CTNNA3: variants seen among roughly 807,000 people sequenced by gnomAD.
CTNNA3 encodes the protein catenin alpha 3, also known as catenin alpha-3.
A neutral mutation model predicts 95.7 loss-of-function variants in CTNNA3; 76 were observed. That is an observed-to-expected ratio of 0.79 (90% confidence interval 0.66 to 0.96). The LOEUF (loss-of-function observed/expected upper bound fraction) is 0.96. Ranked by LOEUF, CTNNA3 falls within the 40% of genes least tolerant of loss-of-function variation. CTNNA3 has a pLI of 0.00. For missense variants in CTNNA3, 1,191 were observed against 1,089.8 expected (o/e 1.09, Z -1.31); for synonymous variants, 431 against 374.4 (o/e 1.15, Z -1.74).
chr10:67,580,147 G>C (rs1404730127), intron 3 of CTNNA3, among the ~76,000 whole-genome samples: 1 of 152,132 alleles, frequency 6.6e-6, no homozygotes, highest in Non-Finnish European at 1.5e-5. Flanking sequence ...TGTCCTGAAT[G>C]GTACTGCCTA....
chr10:66,833,672 A>G (rs1385758821), intron 7 of CTNNA3, among the ~76,000 whole-genome samples: 1 of 152,152 alleles, frequency 6.6e-6, no homozygotes, highest in Non-Finnish European at 1.5e-5. Flanking sequence ...TTTCATCTGG[A>G]TAGTGTAGGT....
rs545517810 is a variant in CTNNA3, at chr10:66,697,671, A to G, written c.1281+68593T>C. Among the ~76,000 whole-genome samples the G allele has an allele frequency of 3.9e-5, 6 of 152,278 alleles. No homozygotes were observed. The South Asian group carries it at 1.2e-3, about 32-fold the overall frequency. ...TCAATGTGCTCGTCTATGAATTTCA[A>G]AATGGGTATAAATTAAAACTTATTA... On this transcript the variant is annotated intron_variant, in intron 9 of 17. Coordinates refer to ENST00000433211, the MANE Select transcript of CTNNA3 (RefSeq NM_013266.4).
At position 65,987,503 on chromosome 10, in the gene CTNNA3, C is replaced by T. The variant is rs147943345; in HGVS notation, c.2265+1189G>A. 1.3e-4 allele frequency among the ~76,000 whole-genome samples: 19 copies of T among 151,946 alleles called. No homozygotes were observed. In the South Asian group the frequency reaches 1.7e-3, roughly 13 times the overall value. The stretch of plus-strand genomic sequence containing the variant: ...TATCATCTTACCCCAATTAAAATTG[C>T]TATAATTGAAAGAACAAAAAATAAA... On this transcript the variant is annotated intron_variant, in intron 16 of 17. Coordinates refer to ENST00000433211, the MANE Select transcript of CTNNA3 (RefSeq NM_013266.4).
chr10:67,531,063 C>T (rs889078242), intron 4 of CTNNA3, among the ~76,000 whole-genome samples: 14 of 152,174 alleles, frequency 9.2e-5, no homozygotes, highest in East Asian at 1.9e-4. Flanking sequence ...TTTATGGAAA[C>T]GCTTGTATGT....
At chr10:66,550,806 A>T in intron 10 of CTNNA3, among the ~76,000 whole-genome samples, 1 of 151,166 alleles carries the variant, frequency 6.6e-6, no homozygotes, top group Non-Finnish European at 1.5e-5. Context: ...TCTGCTTATA[A>T]ATCTCTGATT....
intron 13 of CTNNA3, among the ~76,000 whole-genome samples, chr10:66,138,253 C>T (rs1016591081): frequency 6.6e-6 from 1 of 152,076 alleles, no homozygotes; most frequent in African/African-American, 2.4e-5. Flanking sequence ...TATTGAGCAA[C>T]AGGTGTGGAT....
intron 7 of CTNNA3, among the ~76,000 whole-genome samples, chr10:67,079,839 C>A (rs1369253985): frequency 6.7e-6 from 1 of 150,002 alleles, no homozygotes; most frequent in African/African-American, 2.5e-5. Context: ...CACAGCGAGA[C>A]TCCATCTCAA....
intron 11 of CTNNA3, among the ~76,000 whole-genome samples, chr10:66,414,354 G>A (rs1283410335): frequency 6.6e-6 from 1 of 152,132 alleles, no homozygotes; most frequent in Non-Finnish European, 1.5e-5. Flanking sequence ...TCTAAAGTAA[G>A]GAATGGGAGA....
chr10:65,958,918 G>A (rs567843712), intron 17 of CTNNA3, among the ~76,000 whole-genome samples: 1 of 152,222 alleles, frequency 6.6e-6, no homozygotes, highest in Non-Finnish European at 1.5e-5. Flanking sequence ...TCTCTTGAAA[G>A]CTATCAGACA....
chr10:66,179,637 C>G (rs1237912051), intron 13 of CTNNA3, among the ~76,000 whole-genome samples: 2 of 152,038 alleles, frequency 1.3e-5, no homozygotes, highest in Non-Finnish European at 2.9e-5. Context: ...GAAAGGATCT[C>G]CATAAAGGCA....
chr10:67,208,790 C>T (rs1401502722), intron 6 of CTNNA3, among the ~76,000 whole-genome samples: 5 of 151,802 alleles, frequency 3.3e-5, no homozygotes, highest in African/African-American at 9.7e-5. Flanking sequence ...AATTATTTTA[C>T]AAGAATAAAT....
At chr10:67,703,172 T>C (rs1478113688) in intron 1 of CTNNA3, among the ~76,000 whole-genome samples, 2 of 152,140 alleles carry the variant, frequency 1.3e-5, no homozygotes, top group African/African-American at 4.8e-5. Flanking sequence ...ACCAGAAGGA[T>C]TCACAGCCGA....
At chr10:66,626,537 C>T (rs1436486422) in intron 9 of CTNNA3, among the ~76,000 whole-genome samples, 1 of 151,904 alleles carries the variant, frequency 6.6e-6, no homozygotes, top group Non-Finnish European at 1.5e-5. Context: ...CAGTCTAGTC[C>T]CATTGCAGGA....
chr10:66,625,016 GAAA>G (rs1448357578), intron 9 of CTNNA3, among the ~76,000 whole-genome samples: 1 of 69,948 alleles, frequency 1.4e-5, no homozygotes, highest in African/African-American at 6.3e-5. Context: ...CACATTTATT[GAAA>G]AGAAAAACCT....
At chr10:66,343,098 A>G (rs2092469862) in intron 12 of CTNNA3, among the ~76,000 whole-genome samples, 1 of 152,108 alleles carries the variant, frequency 6.6e-6, no homozygotes, top group Non-Finnish European at 1.5e-5. Flanking sequence ...CTCAATGTGG[A>G]GAAAAAGGAA....
chr10:66,047,745 C>CA (rs1179370268), intron 15 of CTNNA3, among the ~76,000 whole-genome samples: 1 of 151,992 alleles, frequency 6.6e-6, no homozygotes, highest in Non-Finnish European at 1.5e-5. Context: ...AGTGTCAGCC[C>CA]AAAATCTCCT....
chr10:67,594,434 CATTACTG>C (rs1564769023), intron 3 of CTNNA3, among the ~76,000 whole-genome samples: 2 of 152,082 alleles, frequency 1.3e-5, no homozygotes, highest in African/African-American at 2.4e-5. Flanking sequence ...TTTCAGAACT[CATTACTG>C]ATCTGTTCAG....
intron 7 of CTNNA3, among the ~76,000 whole-genome samples, chr10:67,108,841 T>C (rs1171525019): frequency 6.6e-6 from 1 of 152,166 alleles, no homozygotes. Context: ...TTTTTTCTAG[T>C]ATATATGTCA....
intron 9 of CTNNA3, among the ~76,000 whole-genome samples, chr10:66,720,788 G>A (rs561160439): frequency 7.2e-5 from 11 of 152,136 alleles, no homozygotes; most frequent in Admixed American, 2.0e-4. Context: ...AGCCGAGATC[G>A]CGCCACTGCA....
Sources: allele counts gnomAD v4.1 joint callset (sites outside exome capture counted in the v4.1 genomes callset), GRCh38; gene constraint gnomAD v4.1.1; transcripts MANE v1.5; gene names NCBI Gene and HGNC (gene_info 2026-07-23, HGNC 2026-07-21).